SLC22A23: variants seen among roughly 807,000 people sequenced by gnomAD.
SLC22A23 encodes the protein solute carrier family 22 member 23.
A neutral mutation model predicts 61.0 loss-of-function variants in SLC22A23; 26 were observed. The observed-to-expected ratio is 0.43, with a 90% CI of 0.31 to 0.59. SLC22A23 has a LOEUF of 0.59. Among genes scored for constraint, SLC22A23 ranks in the 20% least tolerant of loss-of-function variants. SLC22A23 has a pLI of 0.11. For missense variants in SLC22A23, 796 were observed against 934.7 expected, an observed-to-expected ratio of 0.85 and a Z score of 1.94; for synonymous variants, 430 against 413.9, an observed-to-expected ratio of 1.04 and a Z score of -0.47.
At chr6:3,381,119 T>C (rs1264387481) in intron 3 of SLC22A23, among the ~76,000 whole-genome samples, 1 of 152,208 alleles carries the variant, frequency 6.6e-6, no homozygotes, top group East Asian at 1.9e-4. Flanking sequence ...CTGATGTCTC[T>C]AGGCCACTTT....
intron 3 of SLC22A23, among the ~76,000 whole-genome samples, chr6:3,401,152 G>C (rs1375837156): frequency 6.6e-6 from 1 of 152,192 alleles, no homozygotes; most frequent in Non-Finnish European, 1.5e-5. Context: ...GACCAGCCTG[G>C]CCAACATGGC....
intron 1 of SLC22A23, among the ~76,000 whole-genome samples, chr6:3,418,817 C>T (rs1476310223): frequency 6.6e-6 from 1 of 152,226 alleles, no homozygotes; most frequent in Non-Finnish European, 1.5e-5. Flanking sequence ...CCTGCAACAC[C>T]GCCCTTGCCA....
chr6:3,301,825 G>C (rs1761633439), intron 4 of SLC22A23, among the ~76,000 whole-genome samples: 1 of 152,242 alleles, frequency 6.6e-6, no homozygotes, highest in Non-Finnish European at 1.5e-5. Flanking sequence ...GAACCGCGGA[G>C]ATGTGCTCAC....
rs1358242193 is a variant in SLC22A23, at chr6:3,390,934, C to T, written c.913+19254G>A. Among the ~76,000 whole-genome samples the T allele has an allele frequency of 4.6e-5, 7 of 152,154 alleles. No homozygotes were observed. Among genetic ancestry groups the T allele is most frequent in the South Asian group, 4.1e-4 (2 of 4,820 alleles). ...CTGTTGATGTTGGCGCCTCTTTTTC[C>T]GTGAATTTGGTCAACTGCCTGAATG... On this transcript the variant is annotated intron_variant, in intron 3 of 9. Transcript: ENST00000406686. The surrounding 1 kb of genome is among the most constrained non-coding windows in gnomAD (Gnocchi z 4.0).
intron 3 of SLC22A23, among the ~76,000 whole-genome samples, chr6:3,409,052 C>T (rs1052349869): frequency 2.0e-5 from 3 of 152,250 alleles, no homozygotes; most frequent in Admixed American, 1.3e-4. Flanking sequence ...CCAATACTCG[C>T]ATTATTTATT....
intron 3 of SLC22A23, among the ~76,000 whole-genome samples, chr6:3,358,358 A>G (rs1765238405): frequency 6.6e-6 from 1 of 152,226 alleles, no homozygotes; most frequent in Admixed American, 6.5e-5. Context: ...GACACACGAA[A>G]CACAGTGAAA....
At position 3,328,850 on chromosome 6, in the gene SLC22A23, G is replaced by A. The variant is rs1763423388; in HGVS notation, c.914-4848C>T. On this transcript the variant is annotated intron_variant, in intron 3 of 9. Coordinates refer to ENST00000406686, the MANE Select transcript of SLC22A23 (RefSeq NM_015482.2). The surrounding 1 kb of genome is among the most constrained non-coding windows in gnomAD (Gnocchi z 5.0). The stretch of plus-strand genomic sequence containing the variant: ...GTCAGGAGGTCCTGCCCATCACACA[G>A]GCTCACACGAGGCCTCCCGTGAAGC... Among the ~76,000 whole-genome samples, 1 of 152,058 alleles carries A rather than the reference G, an allele frequency of 6.6e-6. No homozygotes were observed. The highest frequency in any genetic ancestry group is 1.5e-5 in the Non-Finnish European group (1 of 68,014).
In SLC22A23 at chr6:3,322,045, T is replaced by A. The variant is rs1008564012; in HGVS notation, c.1082+1789A>T. Among the ~76,000 whole-genome samples the A allele has an allele frequency of 6.6e-6, 1 of 152,192 alleles. No homozygotes were observed. The highest frequency in any genetic ancestry group is 2.4e-5 in the African/African-American group (1 of 41,448). On this transcript the variant is annotated intron_variant, in intron 4 of 9. Coordinates refer to ENST00000406686, the MANE Select transcript of SLC22A23 (RefSeq NM_015482.2). The surrounding 1 kb of genome is among the most constrained non-coding windows in gnomAD (Gnocchi z 4.1). ...CAGCCTACTTGGCGCTTTGGAGTAC[T>A]GTATCTCTAAAGAGCAAACAAGGAA...
chr6:3,398,318 C>G (rs551908826), intron 3 of SLC22A23, among the ~76,000 whole-genome samples: 2 of 152,100 alleles, frequency 1.3e-5, no homozygotes, highest in Admixed American at 6.5e-5. Context: ...GAGTTCTGAG[C>G]CTTTTCCCAG....
intron 3 of SLC22A23, among the ~76,000 whole-genome samples, chr6:3,389,085 T>A (rs1767491647): frequency 6.6e-6 from 1 of 151,500 alleles, no homozygotes; most frequent in Admixed American, 6.6e-5. Context: ...CTGGCCAACA[T>A]GGTGAAGCCC....
At chr6:3,389,369 T>A (rs139825564) in intron 3 of SLC22A23, among the ~76,000 whole-genome samples, 1 of 149,440 alleles carries the variant, frequency 6.7e-6, no homozygotes, top group African/African-American at 2.5e-5. Context: ...ATTATTGAAA[T>A]GTACACTTAA....
chr6:3,325,403 A>G (rs912156479), intron 3 of SLC22A23, among the ~76,000 whole-genome samples: 2 of 152,250 alleles, frequency 1.3e-5, no homozygotes, highest in Admixed American at 1.3e-4. Flanking sequence ...CTGGAAAAAA[A>G]TAATAATGCC....
At chr6:3,365,317 G>A (rs920822923) in intron 3 of SLC22A23, among the ~76,000 whole-genome samples, 1 of 152,150 alleles carries the variant, frequency 6.6e-6, no homozygotes, top group African/African-American at 2.4e-5. Flanking sequence ...GCGAGATCCT[G>A]TCTCGAAAAA....
chr6:3,280,559 G>A (rs185038930), intron 9 of SLC22A23, among the ~76,000 whole-genome samples: 4 of 146,052 alleles, frequency 2.7e-5, no homozygotes, highest in East Asian at 2.0e-4. Context: ...GCAGTGGCGC[G>A]ATCTCGGCTC....
At chr6:3,395,459 CA>C (rs1346535403) in intron 3 of SLC22A23, among the ~76,000 whole-genome samples, 1 of 152,222 alleles carries the variant, frequency 6.6e-6, no homozygotes, top group Non-Finnish European at 1.5e-5. Context: ...AATAGGAAAA[CA>C]GGCAATAACG....
At chr6:3,371,131 T>A (rs537806660) in intron 3 of SLC22A23, among the ~76,000 whole-genome samples, 1 of 152,328 alleles carries the variant, frequency 6.6e-6, no homozygotes, top group South Asian at 2.1e-4. Context: ...TTTTAGCAAA[T>A]AATTATTGAG....
In SLC22A23 at chr6:3,387,987, G is replaced by C. The variant is rs2127482822; in HGVS notation, c.913+22201C>G. Among the ~76,000 whole-genome samples, 1 of 152,286 alleles carries C rather than the reference G, an allele frequency of 6.6e-6. No homozygotes were observed. The highest frequency in any genetic ancestry group is 2.4e-5 in the African/African-American group (1 of 41,566). On this transcript the variant is annotated intron_variant, in intron 3 of 9. Transcript: ENST00000406686. The surrounding 1 kb of genome is among the most constrained non-coding windows in gnomAD (Gnocchi z 5.0). ...AAGCCCAACAAGTCCCCTCTGGCAA[G>C]TGCAATTTTTCCCACCAGTTATCCT...
intron 5 of SLC22A23, 107 bp from the exon 6 acceptor site, chr6:3,289,973 G>T: frequency 1.9e-4 from 107 of 549,446 alleles, no homozygotes; most frequent in Middle Eastern, 2.9e-4. Context: ...ACAGAAGGGA[G>T]AGAGAAGCTT....
At chr6:3,315,842 C>T (rs530250286) in intron 4 of SLC22A23, among the ~76,000 whole-genome samples, 14 of 150,736 alleles carry the variant, frequency 9.3e-5, no homozygotes, top group South Asian at 6.3e-4. Flanking sequence ...CCAGCCTGGG[C>T]GACAGAGTGA....
Sources: allele counts gnomAD v4.1 joint callset (sites outside exome capture counted in the v4.1 genomes callset), GRCh38; gene constraint gnomAD v4.1.1; non-coding constraint Gnocchi (gnomAD v3.1); transcripts MANE v1.5; gene names NCBI Gene and HGNC (gene_info 2026-07-23, HGNC 2026-07-21).